LZTS1: variants seen among roughly 807,000 people sequenced by gnomAD.
The protein encoded by LZTS1 is leucine zipper tumor suppressor 1, also known as leucine zipper putative tumor suppressor 1.
In LZTS1, 31 loss-of-function variants were observed where a neutral mutation model predicts 45.8. The ratio of observed to expected loss-of-function variants is 0.68; its 90% CI spans 0.51 to 0.91. The LOEUF (loss-of-function observed/expected upper bound fraction) is 0.91. Among genes scored for constraint, LZTS1 ranks in the 40% least tolerant of loss-of-function variants. The pLI, the probability that LZTS1 is intolerant of heterozygous loss-of-function variation, is 0.00. For synonymous variants in LZTS1, 359 were observed against 357.3 expected, an observed-to-expected ratio of 1.00 and a Z score of -0.05; for missense variants, 821 against 788.9, an observed-to-expected ratio of 1.04 and a Z score of -0.49.
intron 1 of LZTS1, among the ~76,000 whole-genome samples, chr8:20,285,785 C>T (rs371136226): frequency 1.3e-5 from 2 of 152,258 alleles, no homozygotes; most frequent in South Asian, 2.1e-4. Flanking sequence ...GACAGCAAGA[C>T]TTAATGGTAA....
At chr8:20,275,407 A>G (rs1800561015) in intron 1 of LZTS1, among the ~76,000 whole-genome samples, 2 of 98,566 alleles carry the variant, frequency 2.0e-5, no homozygotes, top group South Asian at 6.3e-4. Flanking sequence ...TTCATCTCAA[A>G]AAAAAAAAAA....
chr8:20,288,477 G>C (rs1800836885), intron 1 of LZTS1, among the ~76,000 whole-genome samples: 1 of 152,156 alleles, frequency 6.6e-6, no homozygotes, highest in Non-Finnish European at 1.5e-5. Context: ...TGTGCACTAG[G>C]TATGGGACGA....
At chr8:20,284,164 C>T (rs771879747) in intron 1 of LZTS1, among the ~76,000 whole-genome samples, 9 of 152,164 alleles carry the variant, frequency 5.9e-5, no homozygotes, top group South Asian at 2.1e-4. Context: ...GCTTCATAAC[C>T]GCTCTTTCCA....
At chr8:20,299,990 C>T (rs1801047746) in intron 1 of LZTS1, among the ~76,000 whole-genome samples, 1 of 152,178 alleles carries the variant, frequency 6.6e-6, no homozygotes, top group Non-Finnish European at 1.5e-5. Context: ...ATTTTAAAAC[C>T]CCAGGTCTAG....
At chr8:20,256,060 CA>C (rs386412254) in intron 1 of LZTS1, among the ~76,000 whole-genome samples, 12,469 of 55,788 alleles carry the variant, frequency 0.22, 337 homozygotes, top group African/African-American at 0.29. Flanking sequence ...GGGCCTGACT[CA>C]AAAAAAAAAA....
intron 3 of LZTS1, among the ~76,000 whole-genome samples, chr8:20,251,599 G>T (rs73605915): frequency 0.036 from 5,537 of 152,204 alleles, 150 homozygotes; most frequent in Middle Eastern, 0.095. Context: ...CTGTGGCTTC[G>T]GTTTTCATCA....
chr8:20,298,427 C>T (rs1456273169), intron 1 of LZTS1, among the ~76,000 whole-genome samples: 1 of 152,182 alleles, frequency 6.6e-6, no homozygotes, highest in Admixed American at 6.5e-5. Context: ...AATCTTCTCA[C>T]AGAGTTGTTG....
chr8:20,300,146 A>G (rs1447554294), intron 1 of LZTS1, among the ~76,000 whole-genome samples: 2 of 152,114 alleles, frequency 1.3e-5, no homozygotes. Flanking sequence ...GCCTTGAAGG[A>G]GCTGGCCCAG....
At chr8:20,251,145 ATAT>A (rs1799895464) in intron 3 of LZTS1, among the ~76,000 whole-genome samples, 6 of 112,976 alleles carry the variant, frequency 5.3e-5, no homozygotes, top group Non-Finnish European at 9.4e-5. Flanking sequence ...ATATATATAT[ATAT>A]AAAATATAAA....
At chr8:20,252,199 T>C (rs528686551) in intron 3 of LZTS1, among the ~76,000 whole-genome samples, 2 of 152,006 alleles carry the variant, frequency 1.3e-5, no homozygotes, top group African/African-American at 4.8e-5. Context: ...GGTGAGTGAG[T>C]GTGTGTGAGT....
At chr8:20,270,835 G>C (rs1270720565) in intron 1 of LZTS1, among the ~76,000 whole-genome samples, 1 of 146,066 alleles carries the variant, frequency 6.8e-6, no homozygotes, top group Non-Finnish European at 1.5e-5. Context: ...GTGTGTGTTT[G>C]TGTGTGTGGA....
chr8:20,268,816 C>T (rs1457549757), intron 1 of LZTS1, among the ~76,000 whole-genome samples: 1 of 152,088 alleles, frequency 6.6e-6, no homozygotes, highest in African/African-American at 2.4e-5. Context: ...CAATTAAGTG[C>T]ACTTGGATTC....
intron 1 of LZTS1, among the ~76,000 whole-genome samples, chr8:20,275,354 AT>A (rs1309618909): frequency 3.9e-5 from 1 of 25,708 alleles, no homozygotes; most frequent in Non-Finnish European, 1.1e-4. Context: ...GTAAGCCGAG[AT>A]GATCGCGCCA....
chr8:20,266,501 A>G (rs1397308549), intron 1 of LZTS1, among the ~76,000 whole-genome samples: 1 of 152,146 alleles, frequency 6.6e-6, no homozygotes, highest in African/African-American at 2.4e-5. Context: ...GTTTTCACTC[A>G]AACATTCATC....
At chr8:20,290,377 A>G (rs76812321) in intron 1 of LZTS1, 3,772 of 152,298 alleles carry the variant, frequency 0.025, 168 homozygotes, top group African/African-American at 0.087. Context: ...AGTTTCCTCC[A>G]CTTAAAGAAA....
At chr8:20,266,416 G>A (rs951671528) in intron 1 of LZTS1, among the ~76,000 whole-genome samples, 5 of 152,144 alleles carry the variant, frequency 3.3e-5, no homozygotes, top group African/African-American at 1.2e-4. Context: ...GCTCTGGGAA[G>A]GCATGTGACT....
intron 1 of LZTS1, among the ~76,000 whole-genome samples, chr8:20,279,962 C>G (rs370244083): frequency 8.3e-6 from 1 of 120,898 alleles, no homozygotes; most frequent in Non-Finnish European, 1.8e-5. Flanking sequence ...AGAGAGAAAC[C>G]GTGTCTCAAA....
intron 1 of LZTS1, among the ~76,000 whole-genome samples, chr8:20,300,147 G>T (rs1303562984): frequency 1.3e-5 from 2 of 152,156 alleles, no homozygotes. Flanking sequence ...CCTTGAAGGA[G>T]CTGGCCCAGT....
At chr8:20,268,812 A>G (rs1402466608) in intron 1 of LZTS1, among the ~76,000 whole-genome samples, 1 of 152,158 alleles carries the variant, frequency 6.6e-6, no homozygotes, top group Non-Finnish European at 1.5e-5. Flanking sequence ...CTCTCAATTA[A>G]GTGCACTTGG....
Sources: allele counts gnomAD v4.1 joint callset (sites outside exome capture counted in the v4.1 genomes callset), GRCh38; gene constraint gnomAD v4.1.1; transcripts MANE v1.5; gene names NCBI Gene and HGNC (gene_info 2026-07-23, HGNC 2026-07-21).